Variants in MYH7B observed in about 807,000 individuals in gnomAD.
MYH7B encodes the protein myosin heavy chain 7B, also known as myosin-7B.
In MYH7B, 205 loss-of-function variants were observed where a neutral mutation model predicts 234.5. The observed-to-expected ratio is 0.87, with a 90% CI of 0.78 to 0.98. The LOEUF (loss-of-function observed/expected upper bound fraction) is 0.98, where lower values mean the gene tolerates loss of function less well. Among genes scored for constraint, MYH7B ranks in the 50% least tolerant of loss-of-function variants. MYH7B has a pLI of 0.00. For missense variants in MYH7B, 2,652 were observed against 2,633.4 expected, an observed-to-expected ratio of 1.01 and a Z score of -0.15; for synonymous variants, 1,193 against 1,105.0, an observed-to-expected ratio of 1.08 and a Z score of -1.58.
chr20:34,990,522 G>A (rs544780664), intron 22 of MYH7B: 1 of 842,828 alleles, frequency 1.2e-6, no homozygotes, highest in African/African-American at 1.7e-5. Flanking sequence ...TGGGAGCCCT[G>A]GGGCTCTGGG....
chr20:34,985,055 TC>T lies in MYH7B; in HGVS notation c.742-10del, dbSNP rs780520447. On this transcript the variant is annotated splice_polypyrimidine_tract_variant and intron_variant, in intron 12 of 44. Coordinates refer to ENST00000262873, the Ensembl canonical transcript of MYH7B. Reference sequence around the variant, plus strand: ...GTGCCCCTTGGCTGAGGGCTGCCCCTCTGCCCACAGGGCAAGTTCATCCGCA... The same window carrying T: ...GTGCCCCTTGGCTGAGGGCTGCCCCTTGCCCACAGGGCAAGTTCATCCGCA... 5.6e-6 allele frequency: 9 copies of T among 1,614,052 alleles called. No homozygotes were observed. Among genetic ancestry groups the T allele is most frequent in the Non-Finnish European group, 5.9e-6 (7 of 1,179,914 alleles).
chr20:34,985,673 T>C (rs2082007104), intron 13 of MYH7B, among the ~76,000 whole-genome samples: 1 of 152,064 alleles, frequency 6.6e-6, no homozygotes, highest in African/African-American at 2.4e-5. Flanking sequence ...CTCCCCACAT[T>C]GGGCTGCATG....
chr20:34,998,674 A>G, intron 34 of MYH7B, 45 bp downstream of exon 34: 6 of 1,612,426 alleles, frequency 3.7e-6, no homozygotes, highest in Non-Finnish European at 5.1e-6. Flanking sequence ...TGGGCACCAG[A>G]GCCACTGGGC....
chr20:34,992,849 C>T lies in MYH7B; in HGVS notation c.2184-253C>T, dbSNP rs537528928. Among the ~76,000 whole-genome samples the T allele has an allele frequency of 8.5e-5, 13 of 152,276 alleles. No homozygotes were observed. In the South Asian group the frequency reaches 2.5e-3, roughly 29 times the overall value. On this transcript the variant is annotated intron_variant, in intron 24 of 44. Transcript: ENST00000262873. ...CTTCCCAAAGTGTTGTGATTATGGG[C>T]GTGAGCCACCGCACCCAGCCAACCC...
intron 43 of MYH7B, 139 bp downstream of exon 43, chr20:35,001,665 TG>T: frequency 2.4e-6 from 2 of 836,750 alleles, no homozygotes; most frequent in Non-Finnish European, 3.7e-6. Context: ...CTAACATCTC[TG>T]GGGAGATCAG....
At chr20:34,973,692 G>A (rs74599371) in intron 2 of MYH7B, among the ~76,000 whole-genome samples, 13,154 of 152,262 alleles carry the variant, frequency 0.086, 634 homozygotes, top group South Asian at 0.13. Context: ...GCTGCCCATG[G>A]ATCTACTTTT....
chr20:34,969,584 G>A (rs985006734), intron 2 of MYH7B, among the ~76,000 whole-genome samples: 3 of 130,804 alleles, frequency 2.3e-5, no homozygotes, highest in Non-Finnish European at 4.6e-5. Context: ...TAGCTCTGTC[G>A]CCCAGGCTGG....
chr20:34,984,155 C>T (rs1391790659), intron 10 of MYH7B, among the ~76,000 whole-genome samples: 2 of 152,244 alleles, frequency 1.3e-5, no homozygotes, highest in Non-Finnish European at 1.5e-5. Context: ...TAATGGGCAC[C>T]TGGCAGGGCC....
chr20:34,991,176 G>T, intron 24 of MYH7B, 55 bp downstream of exon 24: 1 of 1,296,056 alleles, frequency 7.7e-7, no homozygotes, highest in Admixed American at 1.9e-5. Flanking sequence ...GAGGGGCTGG[G>T]CAGGACACAC....
In MYH7B at chr20:34,988,217, C is replaced by T. The variant is rs370914311; in HGVS notation, c.1542C>T (p.Ile514=). ...GGGAGGGCATCGACTGGGTCTTCAT[C>T]GACTTCGGCCTTGACCTGCAGCCTT... Residue 514 remains isoleucine (I), a synonymous_variant, in exon 19 of 45, where the codon ATC becomes ATT. Coordinates refer to ENST00000262873, the Ensembl canonical transcript of MYH7B. 1.1e-5 allele frequency: 17 copies of T among 1,613,994 alleles called. No homozygotes were observed. The African/African-American group carries it at 1.2e-4, about 11-fold the overall frequency.
At chr20:34,983,836 C>T (rs780654068) in intron 10 of MYH7B, among the ~76,000 whole-genome samples, 11 of 152,186 alleles carry the variant, frequency 7.2e-5, no homozygotes, top group Non-Finnish European at 1.5e-4. Context: ...CCACAAAGTC[C>T]GTGGTGGTAT....
chr20:35,001,823 G>A (rs1319759029), intron 43 of MYH7B, 125 bp from the exon 44 acceptor site: 2 of 1,410,896 alleles, frequency 1.4e-6, no homozygotes, highest in Non-Finnish European at 1.9e-6. Flanking sequence ...TGGTGAGGAT[G>A]GACAGTGGCA....
rs369120784 is a variant in MYH7B, at chr20:35,001,116, C to T, written c.5433C>T (p.Ala1811=). 6 of 1,613,722 alleles carry T rather than the reference C, an allele frequency of 3.7e-6. No homozygotes were observed. In the African/African-American group the frequency reaches 4.0e-5, roughly 11 times the overall value. ...GCCTTGAGGAGGCAGAACAGGCCGC[C>T]CTCCGTGGCGGGAAGAAGCAGGTGC... is the stretch of plus-strand genomic sequence containing the variant. The change falls in exon 41 of 45, where the codon GCC becomes GCT. Residue 1811 remains alanine, a synonymous_variant. Coordinates refer to ENST00000262873, the Ensembl canonical transcript of MYH7B.
intron 5 of MYH7B, among the ~76,000 whole-genome samples, chr20:34,978,406 G>A (rs778752362): frequency 1.3e-5 from 2 of 152,128 alleles, no homozygotes; most frequent in Admixed American, 6.5e-5. Flanking sequence ...GAGACTGATC[G>A]GCATGTGTGC....
At chr20:34,968,745 C>T (rs1247684674) in intron 2 of MYH7B, among the ~76,000 whole-genome samples, 1 of 152,204 alleles carries the variant, frequency 6.6e-6, no homozygotes, top group Non-Finnish European at 1.5e-5. Context: ...CAGCAAGGGG[C>T]GTGTTAGAGG....
At position 34,982,502 on chromosome 20, in the gene MYH7B, A is replaced by AT. The variant is rs1438439572; in HGVS notation, c.573dup (p.Gln192SerfsTer29). 1.2e-6 allele frequency: 2 copies of AT among 1,613,416 alleles called. No individual in the cohort carries two copies. Among genetic ancestry groups the AT allele is most frequent in the Admixed American group, 3.3e-5 (2 of 59,966 alleles). ...TAAGACGGTTAACACCAAGCGGGTC[A>AT]TTCAGTACTTTGCCATCGTCGCTGC... On this transcript the variant is annotated frameshift_variant, in exon 10 of 45. Transcript: ENST00000262873. LOFTEE classifies it high-confidence loss of function.
chr20:34,995,688 G>A (rs1189785877), intron 28 of MYH7B, 110 bp downstream of exon 28: 9 of 1,487,882 alleles, frequency 6.0e-6, no homozygotes, highest in Non-Finnish European at 8.1e-6. Flanking sequence ...TTCTGGCCCT[G>A]GGCATGTCAC....
Position 34,997,644 on chromosome 20 carries a change from T to C in MYH7B, c.3747+4T>C. 2 of 1,613,002 alleles carry C rather than the reference T, an allele frequency of 1.2e-6. No homozygotes were observed. The highest frequency in any genetic ancestry group is 1.7e-6 in the Non-Finnish European group (2 of 1,179,500). ...GGAGACTCTGACCCGCGCCAAGGTGTCCGTGCCTTCCTCACCCCATACCCA... is the reference window on the plus strand; with the variant it reads ...GGAGACTCTGACCCGCGCCAAGGTGCCCGTGCCTTCCTCACCCCATACCCA... On this transcript the variant is annotated splice_donor_region_variant and intron_variant, in intron 32 of 44. Transcript: ENST00000262873.
intron 19 of MYH7B, 68 bp downstream of exon 19, chr20:34,988,330 A>T (rs1042496533): frequency 3.6e-5 from 55 of 1,534,404 alleles, no homozygotes; most frequent in Middle Eastern, 3.5e-4. Context: ...GGGATGGATG[A>T]CCATGGCTTG....
Sources: gnomAD v4.1 joint callset for allele counts (sites outside exome capture counted in the v4.1 genomes callset) on GRCh38, gnomAD v4.1.1 for gene constraint, MANE v1.5 for transcripts, NCBI Gene and HGNC (gene_info 2026-07-23, HGNC 2026-07-21) for gene names.